The following NSMCE2 variants were observed in gnomAD, a reference collection of about 807,000 sequenced individuals.
NSMCE2 encodes the protein E3 SUMO-protein ligase NSE2.
In NSMCE2, 24 loss-of-function variants were observed where a neutral mutation model predicts 23.8. The observed-to-expected ratio is 1.01, with a 90% CI of 0.73 to 1.42. The LOEUF (loss-of-function observed/expected upper bound fraction) is 1.42, where lower values mean the gene tolerates loss of function less well. NSMCE2 is among the 40% of genes most tolerant of loss of function. NSMCE2 has a pLI of 0.00. For synonymous variants in NSMCE2, 92 were observed against 94.1 expected, an observed-to-expected ratio of 0.98 and a Z score of 0.13; for missense variants, 284 against 296.5, an observed-to-expected ratio of 0.96 and a Z score of 0.31.
At chr8:125,293,658 TGAAGACC>T (rs1414597354) in intron 5 of NSMCE2, among the ~76,000 whole-genome samples, 2,952 of 141,442 alleles carry the variant, frequency 0.021, 65 homozygotes, top group South Asian at 0.07. Flanking sequence ...CTGAGACTTT[TGAAGACC>T]ATCCTGTAGG....
intron 5 of NSMCE2, among the ~76,000 whole-genome samples, chr8:125,277,975 A>T (rs1827539881): frequency 6.6e-6 from 1 of 152,162 alleles, no homozygotes; most frequent in Non-Finnish European, 1.5e-5. Context: ...GGGTATAAAT[A>T]CAACTTTTAA....
chr8:125,346,528 T>C (rs1328233724), intron 5 of NSMCE2, among the ~76,000 whole-genome samples: 2 of 152,184 alleles, frequency 1.3e-5, no homozygotes, highest in Non-Finnish European at 2.9e-5. Context: ...TTGTAGACCT[T>C]CTCAATGCTG....
At chr8:125,359,488 C>A (rs1421337704) in intron 7 of NSMCE2, among the ~76,000 whole-genome samples, 1 of 151,790 alleles carries the variant, frequency 6.6e-6, no homozygotes, top group Non-Finnish European at 1.5e-5. Context: ...CATGCACCAC[C>A]ACGCCCAGCT....
intron 5 of NSMCE2, among the ~76,000 whole-genome samples, chr8:125,190,998 G>A (rs1239290671): frequency 3.3e-5 from 5 of 152,024 alleles, no homozygotes; most frequent in Non-Finnish European, 1.5e-5. Flanking sequence ...AGCCTCCCGA[G>A]TAGCTGGGAT....
intron 3 of NSMCE2, among the ~76,000 whole-genome samples, chr8:125,110,759 GTTGTTTTTTTTTTTTTTT>G (rs1818696450): frequency 1.7e-5 from 1 of 58,112 alleles, no homozygotes; most frequent in Non-Finnish European, 3.5e-5. Context: ...TTTGGTTGTT[GTTGTTTTTTTTTTTTTTT>G]TTTTTTTTTG....
At chr8:125,199,655 G>C (rs1441050450) in intron 5 of NSMCE2, among the ~76,000 whole-genome samples, 1 of 152,192 alleles carries the variant, frequency 6.6e-6, no homozygotes, top group African/African-American at 2.4e-5. Flanking sequence ...ATATTCTGTT[G>C]ATTTGGGGTG....
intron 5 of NSMCE2, among the ~76,000 whole-genome samples, chr8:125,309,977 A>T (rs147340717): frequency 1.8e-3 from 277 of 152,340 alleles, no homozygotes; most frequent in African/African-American, 4.6e-3. Context: ...ATCATGAAAC[A>T]TGTAAGCTGG....
At chr8:125,151,528 G>T (rs1821028563) in intron 4 of NSMCE2, among the ~76,000 whole-genome samples, 1 of 152,112 alleles carries the variant, frequency 6.6e-6, no homozygotes, top group South Asian at 2.1e-4. Context: ...CAAAATTTTA[G>T]TGTAAGCCTC....
At chr8:125,263,727 G>A (rs552233246) in intron 5 of NSMCE2, among the ~76,000 whole-genome samples, 16 of 151,428 alleles carry the variant, frequency 1.1e-4, no homozygotes, top group South Asian at 4.2e-4. Context: ...ACCAGCCTCC[G>A]TGACAGAGCG....
At chr8:125,326,649 A>T (rs1383789422) in intron 5 of NSMCE2, among the ~76,000 whole-genome samples, 1 of 152,124 alleles carries the variant, frequency 6.6e-6, no homozygotes, top group African/African-American at 2.4e-5. Flanking sequence ...TAAAAAAAAG[A>T]TTGGTTAAAA....
chr8:125,304,904 A>G (rs984862743), intron 5 of NSMCE2, among the ~76,000 whole-genome samples: 6 of 150,928 alleles, frequency 4.0e-5, no homozygotes, highest in African/African-American at 9.7e-5. Flanking sequence ...AAGAGAGAGA[A>G]AGAAAGGAAA....
chr8:125,188,058 T>G (rs1440400275), intron 5 of NSMCE2, among the ~76,000 whole-genome samples: 1 of 152,208 alleles, frequency 6.6e-6, no homozygotes, highest in Non-Finnish European at 1.5e-5. Flanking sequence ...ACATAGGAAT[T>G]CACATTGTAA....
intron 3 of NSMCE2, among the ~76,000 whole-genome samples, chr8:125,122,986 G>A (rs1337321684): frequency 2.0e-5 from 3 of 152,154 alleles, no homozygotes; most frequent in Non-Finnish European, 2.9e-5. Flanking sequence ...TTACTCATCC[G>A]TGGTCTAGAG....
intron 5 of NSMCE2, among the ~76,000 whole-genome samples, chr8:125,317,084 G>C (rs1829239757): frequency 6.6e-6 from 1 of 151,654 alleles, no homozygotes; most frequent in Non-Finnish European, 1.5e-5. Context: ...ACCACTCCTG[G>C]CCTATTGTTT....
At chr8:125,267,109 A>G (rs980989868) in intron 5 of NSMCE2, among the ~76,000 whole-genome samples, 1 of 149,836 alleles carries the variant, frequency 6.7e-6, no homozygotes, top group African/African-American at 2.5e-5. Context: ...GGTTCAAGCA[A>G]TTCTCTTGCC....
chr8:125,101,104 A>G (rs1288541673), intron 1 of NSMCE2, among the ~76,000 whole-genome samples: 6 of 152,210 alleles, frequency 3.9e-5, no homozygotes, highest in Admixed American at 3.9e-4. Context: ...AATCTTATGC[A>G]TCTCTGTGCA....
chr8:125,171,296 T>C (rs1822194098), intron 4 of NSMCE2, among the ~76,000 whole-genome samples: 1 of 152,188 alleles, frequency 6.6e-6, no homozygotes, highest in Non-Finnish European at 1.5e-5. Context: ...ACTGCTGTGT[T>C]CCCAGCTCCT....
At chr8:125,143,336 T>C (rs1820484725) in intron 3 of NSMCE2, among the ~76,000 whole-genome samples, 1 of 152,220 alleles carries the variant, frequency 6.6e-6, no homozygotes, top group African/African-American at 2.4e-5. Flanking sequence ...GATTAGGAAA[T>C]ACCCATATTC....
chr8:125,254,678 C>T (rs1389903932), intron 5 of NSMCE2, among the ~76,000 whole-genome samples: 13 of 151,840 alleles, frequency 8.6e-5, no homozygotes. Context: ...TGCTATAAGA[C>T]TTTAAGCCTA....
Sources: allele counts gnomAD v4.1 joint callset (sites outside exome capture counted in the v4.1 genomes callset), GRCh38; gene constraint gnomAD v4.1.1; transcripts MANE v1.5; gene names NCBI Gene and HGNC (gene_info 2026-07-23, HGNC 2026-07-21).